The following TPO variants were observed in gnomAD, a reference collection of about 807,000 sequenced individuals.
The protein encoded by TPO is thyroid peroxidase, also known as thyroid microsomal antigen.
A neutral mutation model predicts 96.9 loss-of-function variants in TPO; 78 were observed. The ratio of observed to expected loss-of-function variants is 0.81; its 90% CI spans 0.67 to 0.97. The LOEUF (loss-of-function observed/expected upper bound fraction) is 0.97. TPO is among the 50% of genes least tolerant of loss of function. The pLI is 0.00. For synonymous variants in TPO, 547 were observed against 538.0 expected (o/e 1.02, Z -0.23); for missense variants, 1,252 against 1,274.8 (o/e 0.98, Z 0.27).
intron 9 of TPO, 122 bp downstream of exon 9, chr2:1,484,976 T>C (rs1024151478): frequency 4.7e-5 from 68 of 1,451,696 alleles, no homozygotes; most frequent in Non-Finnish European, 6.0e-5. Context: ...TTACGTAGGG[T>C]ATACATGTGC....
At chr2:1,541,022 G>C (rs1310845639) in intron 16 of TPO, 4 of 1,348,256 alleles carry the variant, frequency 3.0e-6, no homozygotes, top group Admixed American at 3.0e-5. Context: ...GGAAGCACAG[G>C]AGAGGAAGGA....
chr2:1,502,497 C>T (rs1034720041), intron 13 of TPO, among the ~76,000 whole-genome samples: 3 of 152,272 alleles, frequency 2.0e-5, no homozygotes, highest in Non-Finnish European at 4.4e-5. Flanking sequence ...TCAAGTGATT[C>T]TCCTGCCTCA....
chr2:1,438,210 G>T (rs536421211), intron 5 of TPO, among the ~76,000 whole-genome samples: 29 of 152,018 alleles, frequency 1.9e-4, no homozygotes, highest in Non-Finnish European at 4.0e-4. Flanking sequence ...TTGGAGATGT[G>T]GGGGCGGGGC....
intron 1 of TPO, among the ~76,000 whole-genome samples, chr2:1,375,406 A>G (rs964417542): frequency 1.3e-5 from 2 of 152,066 alleles, no homozygotes; most frequent in African/African-American, 2.4e-5. Context: ...AAACAAACAC[A>G]AGTCCCAGTG....
chr2:1,459,596 C>G (rs2148610636), intron 7 of TPO, among the ~76,000 whole-genome samples: 1 of 152,276 alleles, frequency 6.6e-6, no homozygotes, highest in African/African-American at 2.4e-5. Flanking sequence ...AGGCTGGTCC[C>G]TGGAAGGTGG....
At chr2:1,423,382 C>G (rs909081652) in intron 3 of TPO, among the ~76,000 whole-genome samples, 2 of 152,182 alleles carry the variant, frequency 1.3e-5, no homozygotes, top group Admixed American at 1.3e-4. Flanking sequence ...GGTTAAAAGA[C>G]AGTAGAGGCT....
chr2:1,532,356 C>G (rs1175622561), intron 15 of TPO, among the ~76,000 whole-genome samples: 8 of 84,796 alleles, frequency 9.4e-5, no homozygotes, highest in Non-Finnish European at 1.9e-4. Flanking sequence ...GCAACCTCCA[C>G]AAATACCCCC....
At chr2:1,475,253 A>G (rs1333316609) in intron 7 of TPO, among the ~76,000 whole-genome samples, 1 of 151,966 alleles carries the variant, frequency 6.6e-6, no homozygotes, top group Admixed American at 6.6e-5. Context: ...GGGCCTGTAT[A>G]TTCTGAAGGG....
At chr2:1,540,989 T>C in intron 16 of TPO, 1 of 1,432,230 alleles carries the variant, frequency 7.0e-7, no homozygotes, top group Non-Finnish European at 9.3e-7. Flanking sequence ...GGCGTTTGCT[T>C]CCACTTAATC....
chr2:1,504,539 T>C (rs1172475820), intron 14 of TPO, among the ~76,000 whole-genome samples: 2 of 152,224 alleles, frequency 1.3e-5, no homozygotes, highest in Non-Finnish European at 1.5e-5. Context: ...CCGCCCGGCA[T>C]GGGGCCTGGG....
intron 7 of TPO, among the ~76,000 whole-genome samples, chr2:1,466,022 T>C (rs981079017): frequency 6.6e-6 from 1 of 152,208 alleles, no homozygotes; most frequent in African/African-American, 2.4e-5. Flanking sequence ...TTATGTTGGC[T>C]GTGGGTTTGT....
chr2:1,504,206 C>T (rs1415963253), intron 14 of TPO, 127 bp downstream of exon 14: 23 of 1,546,222 alleles, frequency 1.5e-5, no homozygotes, highest in Non-Finnish European at 1.9e-5. Flanking sequence ...GAATAAGACA[C>T]CAAGCCCACG....
At chr2:1,471,356 C>T (rs1006000109) in intron 7 of TPO, among the ~76,000 whole-genome samples, 6 of 152,008 alleles carry the variant, frequency 3.9e-5, no homozygotes, top group Admixed American at 3.9e-4. Context: ...CATTTCTCAC[C>T]CTCTTATGCT....
chr2:1,502,358 A>T (rs1457218062), intron 13 of TPO, among the ~76,000 whole-genome samples: 1 of 152,116 alleles, frequency 6.6e-6, no homozygotes, highest in Non-Finnish European at 1.5e-5. Flanking sequence ...CAATAGCTCC[A>T]ATCCCTTGAA....
intron 7 of TPO, among the ~76,000 whole-genome samples, chr2:1,476,867 G>C (rs906335276): frequency 1.1e-4 from 16 of 150,784 alleles, no homozygotes; most frequent in African/African-American, 3.9e-4. Context: ...GAGGTGGGGG[G>C]CTGGCTGGAC....
At chr2:1,428,638 G>A (rs1216097581) in intron 3 of TPO, among the ~76,000 whole-genome samples, 3 of 152,210 alleles carry the variant, frequency 2.0e-5, no homozygotes, top group Non-Finnish European at 2.9e-5. Flanking sequence ...GAGCCCTCGA[G>A]TGGGTGCAGG....
At chr2:1,523,187 C>G (rs1464817316) in intron 15 of TPO, among the ~76,000 whole-genome samples, 1 of 123,574 alleles carries the variant, frequency 8.1e-6, no homozygotes, top group African/African-American at 3.1e-5. Context: ...TCCTCAAATC[C>G]CCCCAACTGT....
intron 1 of TPO, among the ~76,000 whole-genome samples, chr2:1,397,698 A>G (rs1662103704): frequency 1.3e-5 from 2 of 152,034 alleles, no homozygotes; most frequent in African/African-American, 4.8e-5. Flanking sequence ...CCAGCCTCCA[A>G]GCCTCCCACC....
At chr2:1,426,120 A>G (rs923613050) in intron 3 of TPO, among the ~76,000 whole-genome samples, 5 of 143,660 alleles carry the variant, frequency 3.5e-5, no homozygotes, top group Non-Finnish European at 5.9e-5. Flanking sequence ...TCAGAAGTCT[A>G]TGCTCCTTCT....
Sources: gnomAD v4.1 joint callset for allele counts (sites outside exome capture counted in the v4.1 genomes callset) on GRCh38, gnomAD v4.1.1 for gene constraint, MANE v1.5 for transcripts, NCBI Gene and HGNC (gene_info 2026-07-23, HGNC 2026-07-21) for gene names.